WWP2: variants seen among roughly 807,000 people sequenced by gnomAD.
WWP2 encodes the protein NEDD4-like E3 ubiquitin-protein ligase WWP2.
WWP2 carries 57 observed loss-of-function variants against 121.0 expected under a neutral mutation model. The ratio of observed to expected loss-of-function variants is 0.47; its 90% CI spans 0.38 to 0.59. WWP2 has a LOEUF of 0.59. Ranked by LOEUF, WWP2 falls within the 20% of genes least tolerant of loss-of-function variation. The pLI, the probability that WWP2 is intolerant of heterozygous loss-of-function variation, is 0.00. For missense variants in WWP2, 962 were observed against 1,158.9 expected (o/e 0.83, Z 2.47); for synonymous variants, 449 against 441.3 (o/e 1.02, Z -0.22).
rs2058691783 is a variant in WWP2 at position 69,930,134 on chromosome 16, A to G, written c.1321A>G (p.Ile441Val). The G allele has an allele frequency of 6.2e-7, 1 of 1,614,006 alleles. No individual in the cohort carries two copies. The highest frequency in any genetic ancestry group is 8.5e-7 in the Non-Finnish European group (1 of 1,179,944). Residue 441 changes from isoleucine (I) to valine (V), a missense_variant, in exon 13 of 24, where the codon ATC (isoleucine) becomes GTC (valine). Ile to Val is a conservative substitution (Grantham distance 29). Around this residue, in one of 3 missense-constraint regions of WWP2, gnomAD observed 606 missense variants for 772.6 expected, o/e 0.78. Transcript: ENST00000359154. Reference sequence around the variant, plus strand: ...CTTTTCTTCCCGTGTTTCCAGGATGATCCAGGAACCAGCTCTGCCCCCAGG... The same window carrying G: ...CTTTTCTTCCCGTGTTTCCAGGATGGTCCAGGAACCAGCTCTGCCCCCAGG... ...QWEDPRTQGMIQEPALPPGWE... is the reference protein window; with the variant it reads ...QWEDPRTQGMVQEPALPPGWE...
Position 69,931,335 on chromosome 16 carries a change from G to A in WWP2, c.1521+108G>A, listed in dbSNP as rs139388172. 126 of 1,493,238 alleles carry A rather than the reference G, an allele frequency of 8.4e-5. No homozygotes were observed. The African/African-American group carries it at 1.2e-3, about 14-fold the overall frequency. 92.5% of individuals were successfully genotyped at this position (1,493,238 alleles called of 1,614,324 possible). A position where few individuals can be genotyped will look rare whatever the true frequency, so the allele number is the denominator to read the frequency against. On this transcript the variant is annotated intron_variant, in intron 14 of 23. Coordinates refer to ENST00000359154, the MANE Select transcript of WWP2 (RefSeq NM_001270454.2). ...CGGAATGTTTGTGTCTTAGGCGGGC[G>A]CAAGACACTTGTCTAACCCGGAGCT...
intron 4 of WWP2, among the ~76,000 whole-genome samples, chr16:69,826,382 A>G (rs1442822991): frequency 6.6e-6 from 1 of 151,222 alleles, no homozygotes; most frequent in Non-Finnish European, 1.5e-5. Context: ...CTTGGCCAAC[A>G]TAGTGAAACT....
intron 10 of WWP2, chr16:69,924,917 C>T (rs1182641102): frequency 1.0e-6 from 1 of 986,214 alleles, no homozygotes; most frequent in Non-Finnish European, 1.2e-6. Flanking sequence ...AGGGCCGGGC[C>T]CCAGCCAGGA....
chr16:69,905,853 A>G (rs1173380523), intron 8 of WWP2, among the ~76,000 whole-genome samples: 1 of 152,190 alleles, frequency 6.6e-6, no homozygotes, highest in African/African-American at 2.4e-5. Context: ...CTTGGGGGGC[A>G]GAGCTGAGTT....
rs1209975518 is a variant in WWP2 at position 69,896,184 on chromosome 16, T to C, written c.914+7935T>C. On this transcript the variant is annotated intron_variant, in intron 8 of 23. Transcript: ENST00000359154. ...TCACCCAGGCTGGAGTATAGTGGCG[T>C]GATCATAGCTCACTGCAGCCTCAAC... is the stretch of plus-strand genomic sequence containing the variant. Among the ~76,000 whole-genome samples the C allele has an allele frequency of 2.0e-5, 3 of 152,170 alleles. No homozygotes were observed. In the East Asian group the frequency reaches 5.8e-4, roughly 29 times the overall value.
At position 69,861,464 on chromosome 16, in the gene WWP2, T is replaced by C. The variant is rs148357489; in HGVS notation, c.576-10340T>C. Among the ~76,000 whole-genome samples the C allele has an allele frequency of 5.1e-3, 770 of 152,312 alleles. 5 individuals are homozygous for C. Among genetic ancestry groups the C allele is most frequent in the African/African-American group, 0.018 (738 of 41,564 alleles). ...ATTGTTTGTCTTCCGGAAGTCTTTC[T>C]GTAATTTAGAATGGACTTGGCAGCG... On this transcript the variant is annotated intron_variant, in intron 6 of 23. Coordinates refer to ENST00000359154, the MANE Select transcript of WWP2 (RefSeq NM_001270454.2).
chr16:69,831,063 GGAA>G (rs1176219211), intron 4 of WWP2, among the ~76,000 whole-genome samples: 1 of 152,162 alleles, frequency 6.6e-6, no homozygotes, highest in African/African-American at 2.4e-5. Flanking sequence ...GAGGGAGGCA[GGAA>G]GAAGGAGGCT....
chr16:69,818,375 T>A (rs2056535211), intron 4 of WWP2, among the ~76,000 whole-genome samples: 2 of 151,364 alleles, frequency 1.3e-5, no homozygotes, highest in South Asian at 4.2e-4. Context: ...GCCCAGCTAA[T>A]TTTTTATTTT....
At chr16:69,816,055 C>G (rs1000294100) in intron 4 of WWP2, among the ~76,000 whole-genome samples, 6 of 152,104 alleles carry the variant, frequency 3.9e-5, no homozygotes, top group African/African-American at 1.4e-4. Flanking sequence ...AAGACAGCTA[C>G]AGACCCTGGT....
chr16:69,841,702 T>C (rs2056981151), intron 5 of WWP2, among the ~76,000 whole-genome samples: 1 of 152,182 alleles, frequency 6.6e-6, no homozygotes, highest in African/African-American at 2.4e-5. Flanking sequence ...TAGGGTTTTG[T>C]TCTCTATCTC....
intron 16 of WWP2, among the ~76,000 whole-genome samples, chr16:69,933,466 T>A (rs1477030541): frequency 6.6e-6 from 1 of 152,208 alleles, no homozygotes; most frequent in Non-Finnish European, 1.5e-5. Flanking sequence ...GATTACATTG[T>A]CATGGATCGG....
intron 12 of WWP2, among the ~76,000 whole-genome samples, chr16:69,929,924 G>C (rs1340377467): frequency 2.0e-5 from 3 of 152,210 alleles, no homozygotes; most frequent in Non-Finnish European, 4.4e-5. Context: ...TCCATGCAGG[G>C]CTGGGTTTTT....
intron 7 of WWP2, among the ~76,000 whole-genome samples, chr16:69,886,742 G>C (rs897677237): frequency 6.6e-6 from 1 of 152,062 alleles, no homozygotes; most frequent in Non-Finnish European, 1.5e-5. Flanking sequence ...CTTGGGTGAC[G>C]GAGCGAGACT....
chr16:69,934,501 A>G (rs2058766234), intron 17 of WWP2, among the ~76,000 whole-genome samples: 2 of 150,738 alleles, frequency 1.3e-5, no homozygotes, highest in African/African-American at 2.4e-5. Context: ...TCGCTGGGCC[A>G]CAGACTTTAC....
chr16:69,786,011 C>A (rs2055781061), intron 1 of WWP2: 1 of 143,992 alleles, frequency 6.9e-6, no homozygotes, highest in Non-Finnish European at 1.5e-5. Flanking sequence ...GCAAGGATTA[C>A]TGTCAGATTC....
intron 4 of WWP2, among the ~76,000 whole-genome samples, chr16:69,829,349 C>A (rs2056756113): frequency 6.6e-6 from 1 of 152,182 alleles, no homozygotes; most frequent in South Asian, 2.1e-4. Context: ...TTAAAAAACC[C>A]TTTAGCACTG....
chr16:69,933,775 C>G (rs921854189), intron 16 of WWP2, among the ~76,000 whole-genome samples, 195 bp from the exon 17 acceptor site: 2 of 152,142 alleles, frequency 1.3e-5, no homozygotes, highest in African/African-American at 4.8e-5. Flanking sequence ...CCCTGGTTCA[C>G]TGTAGGTCTG....
chr16:69,888,612 C>G (rs191071699), intron 8 of WWP2, among the ~76,000 whole-genome samples: 3 of 152,260 alleles, frequency 2.0e-5, no homozygotes, highest in Admixed American at 2.0e-4. Context: ...ATCGTATCAG[C>G]CCACGGAGGA....
intron 7 of WWP2, among the ~76,000 whole-genome samples, chr16:69,884,975 TATTA>T (rs575734216): frequency 3.3e-5 from 5 of 152,200 alleles, no homozygotes; most frequent in African/African-American, 4.8e-5. Context: ...TGAACTTTCT[TATTA>T]ATTGACACTT....
Sources: gnomAD v4.1 joint callset for allele counts (sites outside exome capture counted in the v4.1 genomes callset) on GRCh38, gnomAD v4.1.1 for gene constraint, gnomAD v4.1.1 regional missense constraint, MANE v1.5 for transcripts, NCBI Gene and HGNC (gene_info 2026-07-23, HGNC 2026-07-21) for gene names.